STIM2: variants seen among roughly 807,000 people sequenced by gnomAD.
The protein encoded by STIM2 is stromal interaction molecule 2.
A neutral mutation model predicts 85.8 loss-of-function variants in STIM2; 31 were observed. The observed-to-expected ratio is 0.36, with a 90% CI of 0.27 to 0.49. STIM2 has a LOEUF of 0.49. Ranked by LOEUF, STIM2 falls within the 20% of genes least tolerant of loss-of-function variation. The pLI, the probability that STIM2 is intolerant of heterozygous loss-of-function variation, is 0.98. For synonymous variants in STIM2, 356 were observed against 331.1 expected, an observed-to-expected ratio of 1.08 and a Z score of -0.82; for missense variants, 841 against 927.6, an observed-to-expected ratio of 0.91 and a Z score of 1.21.
intron 1 of STIM2, among the ~76,000 whole-genome samples, chr4:26,886,431 G>T (rs548065069): frequency 6.6e-6 from 1 of 152,174 alleles, no homozygotes; most frequent in East Asian, 1.9e-4. Context: ...AATAAAATAG[G>T]TGAGAAGGTA....
At chr4:26,869,475 G>A (rs1722532521) in intron 1 of STIM2, among the ~76,000 whole-genome samples, 1 of 152,020 alleles carries the variant, frequency 6.6e-6, no homozygotes, top group Non-Finnish European at 1.5e-5. Context: ...GCCAGCTATG[G>A]TATGAGTAAC....
chr4:26,972,217 T>C (rs866000308), intron 3 of STIM2, among the ~76,000 whole-genome samples: 9 of 152,314 alleles, frequency 5.9e-5, no homozygotes, highest in South Asian at 2.1e-4. Context: ...CCTTTCCTAA[T>C]TGAATACCCT....
At chr4:26,879,412 T>C (rs1040247506) in intron 1 of STIM2, among the ~76,000 whole-genome samples, 2 of 152,110 alleles carry the variant, frequency 1.3e-5, no homozygotes, top group African/African-American at 4.8e-5. Context: ...TGACCTGGGA[T>C]ATTATACCAT....
At chr4:26,963,678 G>T (rs148334836) in intron 3 of STIM2, among the ~76,000 whole-genome samples, 1 of 152,198 alleles carries the variant, frequency 6.6e-6, no homozygotes, top group Non-Finnish European at 1.5e-5. Context: ...TGACACGATT[G>T]CAGGAATCTA....
chr4:26,949,815 T>A (rs1362003677), intron 2 of STIM2, among the ~76,000 whole-genome samples: 2 of 152,192 alleles, frequency 1.3e-5, no homozygotes, highest in African/African-American at 2.4e-5. Flanking sequence ...CCATTCATTA[T>A]CAGTGTTACT....
chr4:26,982,630 A>G (rs763655785), intron 3 of STIM2, among the ~76,000 whole-genome samples: 3 of 152,094 alleles, frequency 2.0e-5, no homozygotes, highest in Non-Finnish European at 4.4e-5. Context: ...GGAAACAGCC[A>G]TTTCTCCAAG....
chr4:26,895,946 G>A (rs1723684067), intron 1 of STIM2, among the ~76,000 whole-genome samples: 1 of 152,162 alleles, frequency 6.6e-6, no homozygotes, highest in African/African-American at 2.4e-5. Context: ...AAGAGTTTCT[G>A]TTGGTGATGA....
Position 27,025,232 on chromosome 4 carries a change from T to G in STIM2, c.*2236T>G, listed in dbSNP as rs1729047625. The G allele has an allele frequency of 6.6e-6, 1 of 152,146 alleles. No individual in the cohort carries two copies. The highest frequency in any genetic ancestry group is 1.5e-5 in the Non-Finnish European group (1 of 68,014). 9.4% of individuals were successfully genotyped at this position (152,146 alleles called of 1,614,324 possible). A position where few individuals can be genotyped will look rare whatever the true frequency, so the allele number is the denominator to read the frequency against. ...GTAAATTCAACAGGAAATTATTGAGTTTTGGAAAGCTACAGTAATTTCTGT... is the reference window on the plus strand; with the variant it reads ...GTAAATTCAACAGGAAATTATTGAGGTTTGGAAAGCTACAGTAATTTCTGT... On this transcript the variant is annotated 3_prime_UTR_variant, in exon 12 of 12. Transcript: ENST00000467087.
chr4:26,887,994 T>G (rs563134867), intron 1 of STIM2, among the ~76,000 whole-genome samples: 1 of 152,292 alleles, frequency 6.6e-6, no homozygotes, highest in East Asian at 1.9e-4. Flanking sequence ...GGCAGAATAT[T>G]TCTTTCTCAG....
chr4:27,010,777 A>G (rs1309869274), intron 10 of STIM2, among the ~76,000 whole-genome samples: 3 of 152,240 alleles, frequency 2.0e-5, no homozygotes, highest in Non-Finnish European at 4.4e-5. Context: ...AGGTTGTAAC[A>G]ATATACACAG....
intron 3 of STIM2, among the ~76,000 whole-genome samples, chr4:26,971,872 G>A (rs1230716442): frequency 1.3e-5 from 2 of 152,198 alleles, no homozygotes; most frequent in Admixed American, 6.5e-5. Flanking sequence ...CTATCCATGA[G>A]CATGGAATAT....
chr4:26,875,689 A>G (rs1455315120), intron 1 of STIM2, among the ~76,000 whole-genome samples: 1 of 152,170 alleles, frequency 6.6e-6, no homozygotes, highest in African/African-American at 2.4e-5. Flanking sequence ...ATTCCCAAGC[A>G]AGACATGACA....
chr4:26,946,071 T>C (rs1245024852), intron 2 of STIM2, among the ~76,000 whole-genome samples: 3 of 152,130 alleles, frequency 2.0e-5, no homozygotes, highest in Non-Finnish European at 4.4e-5. Flanking sequence ...AAAAAGTAAA[T>C]GGAATATCCC....
At chr4:26,906,949 AGAGT>A (rs1250979746) in intron 1 of STIM2, among the ~76,000 whole-genome samples, 10 of 146,054 alleles carry the variant, frequency 6.8e-5, no homozygotes, top group African/African-American at 2.6e-4. Flanking sequence ...CCTGGGCGAT[AGAGT>A]GAGACTCCGT....
intron 1 of STIM2, among the ~76,000 whole-genome samples, chr4:26,903,043 G>T (rs945208035): frequency 6.6e-6 from 1 of 151,928 alleles, no homozygotes; most frequent in Non-Finnish European, 1.5e-5. Context: ...TTTCCTGCTC[G>T]GTGACATCTC....
intron 1 of STIM2, among the ~76,000 whole-genome samples, chr4:26,891,233 A>G (rs1723464444): frequency 6.6e-6 from 1 of 152,216 alleles, no homozygotes; most frequent in Non-Finnish European, 1.5e-5. Context: ...AGTTATGCTG[A>G]GAGATTGCCC....
Position 26,977,522 on chromosome 4 carries a change from G to A in STIM2, c.398-17857G>A, listed in dbSNP as rs184465224. Among the ~76,000 whole-genome samples the A allele has an allele frequency of 1.4e-4, 22 of 152,244 alleles. No individual in the cohort carries two copies. The East Asian group carries it at 2.9e-3, about 20-fold the overall frequency. ...GAAGTAGAAGACCTGTTGAGGCTTC[G>A]CGTGAACTGGTGAGAGGTGATGGTA... On this transcript the variant is annotated intron_variant, in intron 3 of 11. Coordinates refer to ENST00000467087, the MANE Select transcript of STIM2 (RefSeq NM_020860.4).
intron 3 of STIM2, among the ~76,000 whole-genome samples, chr4:26,976,984 T>A (rs576150368): frequency 6.6e-6 from 1 of 152,284 alleles, no homozygotes; most frequent in South Asian, 2.1e-4. Context: ...ACACAACTGC[T>A]GGTACAGGTT....
chr4:26,998,769 A>T (rs1350225722), intron 4 of STIM2, among the ~76,000 whole-genome samples: 1 of 151,742 alleles, frequency 6.6e-6, no homozygotes, highest in Non-Finnish European at 1.5e-5. Flanking sequence ...AAAATTACCC[A>T]GGCGTGGTGG....
Sources: gnomAD v4.1 joint callset for allele counts (sites outside exome capture counted in the v4.1 genomes callset) on GRCh38, gnomAD v4.1.1 for gene constraint, MANE v1.5 for transcripts, NCBI Gene and HGNC (gene_info 2026-07-23, HGNC 2026-07-21) for gene names.